Variants in TMEM235 observed in about 807,000 individuals in gnomAD.
The protein encoded by TMEM235 is transmembrane protein 235.
A neutral mutation model predicts 22.9 loss-of-function variants in TMEM235; 23 were observed. The observed-to-expected ratio is 1.00, with a 90% confidence interval of 0.72 to 1.42. The LOEUF (loss-of-function observed/expected upper bound fraction) is 1.42, where lower values mean the gene tolerates loss of function less well. Among genes scored for constraint, TMEM235 ranks in the 40% most tolerant of loss-of-function variants. The pLI, the probability that TMEM235 is intolerant of heterozygous loss-of-function variation, is 0.00. For missense variants in TMEM235, 308 were observed against 299.5 expected (o/e 1.03, Z -0.21); for synonymous variants, 137 against 140.5 (o/e 0.98, Z 0.17).
At position 78,232,221 on chromosome 17, in the gene TMEM235, G is replaced by A. The variant is rs1369757382; in HGVS notation, c.190+8G>A. On this transcript the variant is annotated splice_region_variant and intron_variant, in intron 2 of 5. Coordinates refer to ENST00000421688, the Ensembl canonical transcript of TMEM235. ...TCTGGCGCATCTGCGAAGGTAACCG[G>A]CCACCGCGCCGGCCCTCCTCCCTCC... 1 of 1,449,574 alleles carries A rather than the reference G, an allele frequency of 6.9e-7. No individual in the cohort carries two copies. The highest frequency in any genetic ancestry group is 9.0e-7 in the Non-Finnish European group (1 of 1,105,754). The allele number at this position is 1,449,574 out of a possible 1,614,324, so 89.8% of individuals were successfully genotyped here.
exon 5 of TMEM235, chr17:78,239,024 G>A (rs975008014): frequency 1.3e-6 from 2 of 1,538,268 alleles, no homozygotes; most frequent in Non-Finnish European, 1.7e-6. Flanking sequence ...TCTCCCCCAG[G>A]TGTCCTGACA....
chr17:78,233,841 T>A (rs1411844620), intron 2 of TMEM235, 54 bp from the exon 2 acceptor site: 4 of 1,507,512 alleles, frequency 2.7e-6, no homozygotes, highest in Non-Finnish European at 3.6e-6. Context: ...TCGGGTAGGC[T>A]GCTGGGTGCA....
chr17:78,239,915 A>C (rs1301680764), exon 6 of TMEM235: 2 of 1,551,096 alleles, frequency 1.3e-6, no homozygotes, highest in Admixed American at 2.0e-5. Context: ...GGTGGAGAAG[A>C]GGCTGATGAG....
At chr17:78,231,400 T>C in intron 1 of TMEM235, 2 of 1,276,984 alleles carry the variant, frequency 1.6e-6, no homozygotes, top group South Asian at 1.3e-5. Flanking sequence ...TAATTATGAG[T>C]GAATCCAAAA....
exon 5 of TMEM235, chr17:78,239,175 G>T: frequency 6.5e-7 from 1 of 1,543,130 alleles, no homozygotes. Context: ...CCTGTGCCTT[G>T]GAGGCATTCA....
At chr17:78,239,178 G>A in exon 5 of TMEM235, 2 of 1,543,058 alleles carry the variant, frequency 1.3e-6, no homozygotes, top group Non-Finnish European at 1.7e-6. Flanking sequence ...GTGCCTTGGA[G>A]GCATTCAGCG....
chr17:78,232,801 G>A (rs2076598224), intron 2 of TMEM235, among the ~76,000 whole-genome samples: 1 of 152,176 alleles, frequency 6.6e-6, no homozygotes, highest in Admixed American at 6.5e-5. Context: ...GGGCTGGCAG[G>A]GCAGGGGTGT....
At chr17:78,232,133 C>T (rs751619247) in exon 2 of TMEM235, 1 of 1,489,522 alleles carries the variant, frequency 6.7e-7, no homozygotes, top group Non-Finnish European at 8.9e-7. Flanking sequence ...CTGGAGGTGG[C>T]GGACGCCGGC....
At chr17:78,231,868 G>T in exon 2 of TMEM235, 1 of 1,144,658 alleles carries the variant, frequency 8.7e-7, no homozygotes. Context: ...GGGGGCCCGC[G>T]AGGCCAGTGC....
intron 3 of TMEM235, chr17:78,234,191 T>A (rs1487306428): frequency 1.4e-6 from 1 of 703,956 alleles, no homozygotes; most frequent in Admixed American, 2.0e-5. Flanking sequence ...TCAGTTTCCC[T>A]CTCAGTGGTG....
rs55893266 is a variant in TMEM235 at position 78,238,550 on chromosome 17, CTGTGTGTGTGTGTGTGTGTG to C, written c.410-457_410-438del. ...GCTGCTGCCAGCAGAGGCCATGGCT[CTGTGTGTGTGTGTGTGTGTG>C]TGTGTGTGTGTGTGTGAATGTGTGC... On this transcript the variant is annotated intron_variant, in intron 4 of 5. Coordinates refer to ENST00000421688, the Ensembl canonical transcript of TMEM235. This position sits in a 1 kb window ranked among gnomAD's most constrained non-coding sequence, Gnocchi z 4.3. 1.7e-4 allele frequency among the ~76,000 whole-genome samples: 24 copies of C among 138,230 alleles called. No individual in the cohort carries two copies. The highest frequency in any genetic ancestry group is 3.6e-4 in the Non-Finnish European group (23 of 63,868). The allele number at this position is 138,230 out of a possible 152,430, so 90.7% of individuals were successfully genotyped here. A position where few individuals can be genotyped will look rare whatever the true frequency, so the allele number is the denominator to read the frequency against.
chr17:78,236,911 A>T (rs1375978446), intron 4 of TMEM235, among the ~76,000 whole-genome samples: 1 of 152,220 alleles, frequency 6.6e-6, no homozygotes, highest in Non-Finnish European at 1.5e-5. Context: ...AATCAGGAAG[A>T]ATCCAAATGA....
chr17:78,231,707 A>ACGTG, exon 2 of TMEM235: 1 of 1,270,996 alleles, frequency 7.9e-7, no homozygotes. Flanking sequence ...AAATTAAGGA[A>ACGTG]CGTGCCCAGG....
Position 78,234,749 on chromosome 17 carries a change from G to A in TMEM235, c.409+19G>A, listed in dbSNP as rs2076624791. On this transcript the variant is annotated intron_variant, in intron 4 of 5. Transcript: ENST00000421688. ...CTGGGGAGTGAGTCTGGGGCCCTGG[G>A]GGAATGGCTCCAAAGATGGGAGCTG... 1 of 1,536,018 alleles carries A rather than the reference G, an allele frequency of 6.5e-7. No homozygotes were observed. The highest frequency in any genetic ancestry group is 2.4e-5 in the East Asian group (1 of 40,912).
At chr17:78,239,631 C>G (rs2145929441) in intron 5 of TMEM235, 149 bp from the exon 5 acceptor site, 7 of 1,409,350 alleles carry the variant, frequency 5.0e-6, no homozygotes, top group Non-Finnish European at 6.6e-6. Context: ...TCGCCCCTCC[C>G]CCAGCAGGCT....
At position 78,234,676 on chromosome 17, in the gene TMEM235, C is replaced by CAG. The variant is rs2076623652; in HGVS notation, c.355_356insAG (p.Leu119GlnfsTer22). Reference sequence around the variant, plus strand: ...CTGGATCTGCGGCCTGCTCAGCTCCCTGGCCCAGAGCGTGTCTCTGCTGCT... The same window carrying CAG: ...CTGGATCTGCGGCCTGCTCAGCTCCCAGTGGCCCAGAGCGTGTCTCTGCTGCT... On this transcript the variant is annotated frameshift_variant, in exon 4 of 6. Coordinates refer to ENST00000421688, the Ensembl canonical transcript of TMEM235. LOFTEE classifies it high-confidence loss of function. 2.0e-6 allele frequency: 3 copies of CAG among 1,536,074 alleles called. No individual in the cohort carries two copies. Among genetic ancestry groups the CAG allele is most frequent in the Admixed American group, 2.0e-5 (1 of 50,988 alleles).
chr17:78,234,313 C>T (rs1048136921), intron 3 of TMEM235: 53 of 693,656 alleles, frequency 7.6e-5, no homozygotes, highest in Non-Finnish European at 1.3e-4. Context: ...TCCAGATGGC[C>T]TGCTGTCTAC....
At chr17:78,232,917 G>A (rs55834628) in intron 2 of TMEM235, among the ~76,000 whole-genome samples, 15,493 of 152,260 alleles carry the variant, frequency 0.1, 943 homozygotes, top group African/African-American at 0.16. Flanking sequence ...GTGAGTGTGA[G>A]TGTATGTAGT....
intron 4 of TMEM235, among the ~76,000 whole-genome samples, chr17:78,235,082 C>A (rs1441818270): frequency 6.6e-6 from 1 of 152,116 alleles, no homozygotes; most frequent in African/African-American, 2.4e-5. Flanking sequence ...TGGTAAAACC[C>A]CATCTTTACT....
Sources: gnomAD v4.1 joint callset for allele counts (sites outside exome capture counted in the v4.1 genomes callset) on GRCh38, gnomAD v4.1.1 for gene constraint, Gnocchi (gnomAD v3.1) non-coding constraint, MANE v1.5 for transcripts, NCBI Gene and HGNC (gene_info 2026-07-23, HGNC 2026-07-21) for gene names.